Variants in COL4A4 observed in about 807,000 individuals in gnomAD.
The protein encoded by COL4A4 is collagen type IV alpha 4 chain.
Under a neutral mutation model 192.9 loss-of-function variants are expected in COL4A4, and 105 were observed. That is an observed-to-expected ratio of 0.54 (90% CI 0.46 to 0.64). The LOEUF (loss-of-function observed/expected upper bound fraction) is 0.64. COL4A4 is among the 30% of genes least tolerant of loss of function. The probability of loss-of-function intolerance (pLI) is 0.00; values close to 1 mark genes in which losing one functional copy is unlikely to be tolerated. For synonymous variants in COL4A4, 762 were observed against 769.9 expected, an observed-to-expected ratio of 0.99 and a Z score of 0.17; for missense variants, 1,967 against 2,169.3, an observed-to-expected ratio of 0.91 and a Z score of 1.85.
At chr2:227,147,027 T>G (rs2063591086) in intron 2 of COL4A4, among the ~76,000 whole-genome samples, 2 of 152,214 alleles carry the variant, frequency 1.3e-5, no homozygotes, top group South Asian at 4.1e-4. Context: ...ATTCCAGAGA[T>G]TAAGACGTGG....
At position 227,142,757 on chromosome 2, in the gene COL4A4, C is replaced by CAA. The variant is rs35268319; in HGVS notation, c.114+1757_114+1758dup. Among the ~76,000 whole-genome samples, 116 of 66,866 alleles carry CAA rather than the reference C, an allele frequency of 1.7e-3. No individual in the cohort carries two copies. The East Asian group carries it at 0.036, about 21-fold the overall frequency. The allele number at this position is 66,866 out of a possible 152,430, so 43.9% of individuals were successfully genotyped here. A position where few individuals can be genotyped will look rare whatever the true frequency, so the allele number is the denominator to read the frequency against. On this transcript the variant is annotated intron_variant, in intron 3 of 47. Coordinates refer to ENST00000396625, the MANE Select transcript of COL4A4 (RefSeq NM_000092.5). ...GGTGACACAGTGAGACCCTGTCTCA[C>CAA]AAAAAAAAAAAAAAAAGTTCAAACA...
chr2:226,985,408 C>G, the COL4A4 span, among the ~76,000 whole-genome samples: 2 of 152,218 alleles, frequency 1.3e-5, no homozygotes, highest in Non-Finnish European at 2.9e-5. Context: ...GCCTCTGTAG[C>G]GCCCATCTGT....
At chr2:227,054,299 T>A (rs933094023) in intron 31 of COL4A4, among the ~76,000 whole-genome samples, 2 of 152,134 alleles carry the variant, frequency 1.3e-5, no homozygotes, top group Non-Finnish European at 2.9e-5. Flanking sequence ...AGAGCCCCCT[T>A]TCCCAAAAGG....
chr2:227,048,708 C>T (rs1220833015), intron 34 of COL4A4, among the ~76,000 whole-genome samples: 1 of 152,150 alleles, frequency 6.6e-6, no homozygotes, highest in Non-Finnish European at 1.5e-5. Context: ...TCCTTTTAAG[C>T]ATGGCCCAAT....
intron 12 of COL4A4, among the ~76,000 whole-genome samples, chr2:227,107,907 A>G (rs1226697360): frequency 1.3e-5 from 2 of 151,668 alleles, no homozygotes; most frequent in African/African-American, 2.4e-5. Context: ...ACAGGCACGC[A>G]CCACCACGCC....
At chr2:226,984,320 A>G in the COL4A4 span, among the ~76,000 whole-genome samples, 2 of 152,230 alleles carry the variant, frequency 1.3e-5, no homozygotes, top group African/African-American at 2.4e-5. Flanking sequence ...TAGAAGTTCC[A>G]GGTACTAATA....
At chr2:227,127,784 C>T (rs564698771) in intron 4 of COL4A4, among the ~76,000 whole-genome samples, 1 of 152,250 alleles carries the variant, frequency 6.6e-6, no homozygotes, top group East Asian at 1.9e-4. Context: ...ACAGGTACAG[C>T]CACACTTTTT....
chr2:227,141,190 A>G (rs7558432), intron 3 of COL4A4, among the ~76,000 whole-genome samples: 78,284 of 152,016 alleles, frequency 0.51, 21,045 homozygotes, highest in African/African-American at 0.66. Context: ...GGCATGGATA[A>G]GAATATCAAG....
At chr2:227,001,278 T>A (rs1365593457), downstream of COL4A4, among the ~76,000 whole-genome samples, 1 of 151,970 alleles carries the variant, frequency 6.6e-6, no homozygotes, top group Non-Finnish European at 1.5e-5. Context: ...GTATTTTTAG[T>A]AGAGATGGGG....
intron 1 of COL4A4, among the ~76,000 whole-genome samples, chr2:227,160,325 A>G (rs896576873): frequency 1.1e-4 from 16 of 152,218 alleles, no homozygotes; most frequent in South Asian, 2.1e-4. Flanking sequence ...CTTTCCAGGC[A>G]TGTGGTAGAT....
At position 227,080,500 on chromosome 2, in the gene COL4A4, C is replaced by T. The variant is rs985432850; in HGVS notation, c.1746G>A (p.Gln582=). 4 of 1,614,036 alleles carry T rather than the reference C, an allele frequency of 2.5e-6. No individual in the cohort carries two copies. The African/African-American group carries it at 4.0e-5, about 16-fold the overall frequency. The part of the protein sequence containing the change: ...GPDGPPGFPG[Q]PGSHGRDGHA... ...GTCCATCCCGACCATGTGATCCTGG[C>T]TGCCCTGGAAATCCTGGGGGCCCAT... The change falls in exon 24 of 48, where the codon CAG becomes CAA. Residue 582 remains glutamine, a synonymous_variant. Transcript: ENST00000396625.
At chr2:227,009,936 A>G (rs2149739821) in intron 46 of COL4A4, among the ~76,000 whole-genome samples, 1 of 152,362 alleles carries the variant, frequency 6.6e-6, no homozygotes, top group East Asian at 1.9e-4. Flanking sequence ...ACCATTTTAC[A>G]TGTAAGTACA....
intron 44 of COL4A4, among the ~76,000 whole-genome samples, chr2:227,017,796 T>C (rs567110332): frequency 6.6e-6 from 1 of 150,702 alleles, no homozygotes; most frequent in Admixed American, 6.6e-5. Context: ...GATTTTTTAA[T>C]TTTTTTTTTA....
At chr2:227,146,154 C>T (rs2063532468) in intron 2 of COL4A4, among the ~76,000 whole-genome samples, 1 of 152,214 alleles carries the variant, frequency 6.6e-6, no homozygotes. Context: ...CAATATGCTC[C>T]AAAGAGTGCA....
In COL4A4 at chr2:227,117,798, GA is replaced by G. The variant is rs200564027; in HGVS notation, c.489+846del. On this transcript the variant is annotated intron_variant, in intron 7 of 47. Coordinates refer to ENST00000396625, the MANE Select transcript of COL4A4 (RefSeq NM_000092.5). ...TTAAATGAAAGTCCAAAATTCTGAA[GA>G]AAAAAAAAGCTAAGAGCCGTAAGTT... 8.7e-3 allele frequency among the ~76,000 whole-genome samples: 1,152 copies of G among 131,840 alleles called. 8 individuals are homozygous for G. Among genetic ancestry groups the G allele is most frequent in the African/African-American group, 0.027 (1,073 of 39,182 alleles). 86.5% of individuals were successfully genotyped at this position (131,840 alleles called of 152,430 possible).
chr2:227,061,152 G>A (rs1576225147), intron 26 of COL4A4, among the ~76,000 whole-genome samples: 2 of 152,196 alleles, frequency 1.3e-5, no homozygotes, highest in African/African-American at 2.4e-5. Context: ...CACTTCTCTC[G>A]AAGTTACAGC....
At chr2:227,066,571 C>T (rs1314976707) in intron 25 of COL4A4, among the ~76,000 whole-genome samples, 2 of 151,886 alleles carry the variant, frequency 1.3e-5, no homozygotes, top group Admixed American at 1.3e-4. Context: ...TCAACATTCT[C>T]AAAGAAAAGA....
At chr2:226,975,707 C>T in the COL4A4 span, among the ~76,000 whole-genome samples, 4 of 152,140 alleles carry the variant, frequency 2.6e-5, no homozygotes, top group Admixed American at 6.5e-5. Flanking sequence ...TTGGAATTTT[C>T]GACAATGATT....
At chr2:227,055,889 G>A (rs1975212894) in intron 30 of COL4A4, 56 bp downstream of exon 30, 1 of 1,492,742 alleles carries the variant, frequency 6.7e-7, no homozygotes, top group Non-Finnish European at 9.3e-7. Context: ...TCTTCACTTG[G>A]CAGTGGATTT....
Sources: allele counts gnomAD v4.1 joint callset (sites outside exome capture counted in the v4.1 genomes callset), GRCh38; gene constraint gnomAD v4.1.1; transcripts MANE v1.5; gene names NCBI Gene and HGNC (gene_info 2026-07-23, HGNC 2026-07-21).